RFX2: variants seen among roughly 807,000 people sequenced by gnomAD.
RFX2 encodes regulatory factor X2.
A neutral mutation model predicts 87.8 loss-of-function variants in RFX2; 20 were observed. That is an observed-to-expected ratio of 0.23 (90% CI 0.16 to 0.33). The LOEUF is 0.33. RFX2 is among the 10% of genes least tolerant of loss of function. RFX2 has a pLI of 1.00. For synonymous variants in RFX2, 397 were observed against 431.3 expected (o/e 0.92, Z 0.98); for missense variants, 767 against 1,012.3 (o/e 0.76, Z 3.29).
intron 1 of RFX2, among the ~76,000 whole-genome samples, chr19:6,082,940 AT>A (rs2087806407): frequency 6.6e-6 from 1 of 151,792 alleles, no homozygotes; most frequent in African/African-American, 2.4e-5. Flanking sequence ...TCATCATGGA[AT>A]TTTTTTCCCA....
chr19:6,066,629 C>A (rs1469038842), intron 1 of RFX2, among the ~76,000 whole-genome samples: 1 of 152,182 alleles, frequency 6.6e-6, no homozygotes, highest in African/African-American at 2.4e-5. Context: ...GCCTGGGAGT[C>A]AACATTACAA....
intron 1 of RFX2, among the ~76,000 whole-genome samples, chr19:6,082,385 A>G (rs572617182): frequency 6.6e-6 from 1 of 151,876 alleles, no homozygotes; most frequent in African/African-American, 2.4e-5. Flanking sequence ...TTAATATAGT[A>G]AGAGGAGGGT....
rs112168916 is a variant in RFX2 at position 6,074,621 on chromosome 19, C to T, written c.-8-27117G>A. On this transcript the variant is annotated intron_variant, in intron 1 of 17. Transcript: ENST00000303657. The surrounding 1 kb of genome is among the most constrained non-coding windows in gnomAD (Gnocchi z 5.2). Reference sequence around the variant, plus strand: ...GGCTGACCCCTCAGGGAGAGACAGACGACACCATGGACACAGAACAGCAGG... The same window carrying T: ...GGCTGACCCCTCAGGGAGAGACAGATGACACCATGGACACAGAACAGCAGG... Among the ~76,000 whole-genome samples, 13 of 152,316 alleles carry T rather than the reference C, an allele frequency of 8.5e-5. No homozygotes were observed. The highest frequency in any genetic ancestry group is 1.6e-4 in the Non-Finnish European group (11 of 68,028).
At position 6,001,778 on chromosome 19, in the gene RFX2, C is replaced by T. The variant is rs1009596438; in HGVS notation, c.1859+37G>A. 6.5e-7 allele frequency: 1 copy of T among 1,541,270 alleles called. No individual in the cohort carries two copies. The highest frequency in any genetic ancestry group is 8.8e-7 in the Non-Finnish European group (1 of 1,135,934). ...TAGAAGTTTCTCTCAGAGCCCCCCA[C>T]CCGCCAGAATTCTCTCGGAGGTCTG... On this transcript the variant is annotated intron_variant, in intron 15 of 17. Transcript: ENST00000303657. The surrounding 1 kb of genome is among the most constrained non-coding windows in gnomAD (Gnocchi z 5.6).
intron 1 of RFX2, among the ~76,000 whole-genome samples, chr19:6,068,737 T>C (rs1423311365): frequency 6.6e-6 from 1 of 152,072 alleles, no homozygotes; most frequent in South Asian, 2.1e-4. Flanking sequence ...ACACAGGCCA[T>C]TGTAGGGGCT....
rs2086647577 is a variant in RFX2, at chr19:6,010,545, C to T, written c.900-294G>A. On this transcript the variant is annotated intron_variant, in intron 8 of 17. Coordinates refer to ENST00000303657, the MANE Select transcript of RFX2 (RefSeq NM_000635.4). The surrounding 1 kb of genome is among the most constrained non-coding windows in gnomAD (Gnocchi z 5.0). Reference sequence around the variant, plus strand: ...AACGCTCACTCCCCATCCCTGTCCCCAGCCCCTGGCACCCCTGATCTGACT... The same window carrying T: ...AACGCTCACTCCCCATCCCTGTCCCTAGCCCCTGGCACCCCTGATCTGACT... Among the ~76,000 whole-genome samples the T allele has an allele frequency of 6.6e-6, 1 of 152,194 alleles. No homozygotes were observed. Among genetic ancestry groups the T allele is most frequent in the South Asian group, 2.1e-4 (1 of 4,826 alleles).
intron 2 of RFX2, among the ~76,000 whole-genome samples, chr19:6,046,537 C>A (rs1052250859): frequency 7.0e-6 from 1 of 143,204 alleles, no homozygotes; most frequent in Admixed American, 7.3e-5. Flanking sequence ...CCAGCCTGGG[C>A]GACAGAGCGA....
At chr19:6,041,094 G>A (rs911914481) in intron 4 of RFX2, among the ~76,000 whole-genome samples, 1 of 151,978 alleles carries the variant, frequency 6.6e-6, no homozygotes, top group Non-Finnish European at 1.5e-5. Flanking sequence ...TTTGAGACAG[G>A]GTCTCCTTCT....
In RFX2 at chr19:6,012,859, ATAC is replaced by A; in HGVS notation, c.899+124_899+126del. ...CTCACCTCAGTCTCAGCAGAGGGGG[ATAC>A]CTTGGCTTTCCCAGGATGCTGGAGA... is the stretch of plus-strand genomic sequence containing the variant. On this transcript the variant is annotated intron_variant, in intron 8 of 17. Coordinates refer to ENST00000303657, the MANE Select transcript of RFX2 (RefSeq NM_000635.4). The surrounding 1 kb of genome is among the most constrained non-coding windows in gnomAD (Gnocchi z 4.6). 1 of 943,292 alleles carries A rather than the reference ATAC, an allele frequency of 1.1e-6. No homozygotes were observed. The highest frequency in any genetic ancestry group is 1.7e-5 in the African/African-American group (1 of 59,454). 58.4% of individuals were successfully genotyped at this position (943,292 alleles called of 1,614,324 possible).
Position 6,024,163 on chromosome 19 carries a change from C to T in RFX2, c.597+2000G>A, listed in dbSNP as rs1234451760. On this transcript the variant is annotated intron_variant, in intron 6 of 17. Transcript: ENST00000303657. The surrounding 1 kb of genome is among the most constrained non-coding windows in gnomAD (Gnocchi z 5.0). ...CCCCCATCCTGCCTGGGTCACGCAG[C>T]CCTCTCGCCCAGGGCTGATACCCTG... is the stretch of plus-strand genomic sequence containing the variant. Among the ~76,000 whole-genome samples the T allele has an allele frequency of 6.6e-6, 1 of 152,212 alleles. No individual in the cohort carries two copies. The highest frequency in any genetic ancestry group is 1.5e-5 in the Non-Finnish European group (1 of 68,032).
intron 1 of RFX2, among the ~76,000 whole-genome samples, chr19:6,088,497 C>A (rs1233175158): frequency 6.7e-6 from 1 of 150,320 alleles, no homozygotes; most frequent in Non-Finnish European, 1.5e-5. Flanking sequence ...AGGCTTGAGT[C>A]ACCATGCCAG....
chr19:6,051,197 T>G, intron 1 of RFX2, among the ~76,000 whole-genome samples: 1 of 152,178 alleles, frequency 6.6e-6, no homozygotes, highest in East Asian at 1.9e-4. Context: ...CTATTAGGAG[T>G]AAATATCACT....
chr19:6,082,390 G>A (rs1307970191), intron 1 of RFX2, among the ~76,000 whole-genome samples: 5 of 152,042 alleles, frequency 3.3e-5, no homozygotes, highest in African/African-American at 4.8e-5. Context: ...ATAGTAAGAG[G>A]AGGGTCCTTC....
At chr19:6,068,665 G>C (rs1286533202) in intron 1 of RFX2, among the ~76,000 whole-genome samples, 1 of 152,094 alleles carries the variant, frequency 6.6e-6, no homozygotes, top group Non-Finnish European at 1.5e-5. Flanking sequence ...AAGGCCCCGA[G>C]GTGGGACAAT....
At chr19:6,106,230 C>CCCGCCCATCCAT (rs1555684224) in intron 1 of RFX2, among the ~76,000 whole-genome samples, 2 of 149,960 alleles carry the variant, frequency 1.3e-5, no homozygotes, top group African/African-American at 5.0e-5. Context: ...CATCGGCCTG[C>CCCGCCCATCCAT]CCATCCATCC....
intron 1 of RFX2, among the ~76,000 whole-genome samples, chr19:6,053,135 A>G (rs960324826): frequency 3.3e-5 from 5 of 152,204 alleles, no homozygotes; most frequent in Admixed American, 3.3e-4. Context: ...AACAAAAGCA[A>G]TATTTCTTCA....
intron 1 of RFX2, among the ~76,000 whole-genome samples, chr19:6,058,599 G>T (rs1347360804): frequency 6.8e-6 from 1 of 146,630 alleles, no homozygotes; most frequent in Non-Finnish European, 1.5e-5. Context: ...TCACTTTTGG[G>T]TTTTTTTTTT....
rs532135255 is a variant in RFX2 at position 6,063,601 on chromosome 19, G to A, written c.-8-16097C>T. On this transcript the variant is annotated intron_variant, in intron 1 of 17. Coordinates refer to ENST00000303657, the MANE Select transcript of RFX2 (RefSeq NM_000635.4). The surrounding 1 kb of genome is among the most constrained non-coding windows in gnomAD (Gnocchi z 4.0). Reference sequence around the variant, plus strand: ...GTGACTGCTGCGTTGAAGAAGGAGGGAGGCAGAGAGACAGCAGCCAGCAGC... The same window carrying A: ...GTGACTGCTGCGTTGAAGAAGGAGGAAGGCAGAGAGACAGCAGCCAGCAGC... 1.2e-3 allele frequency among the ~76,000 whole-genome samples: 183 copies of A among 152,342 alleles called. No individual in the cohort carries two copies. The highest frequency in any genetic ancestry group is 4.3e-3 in the African/African-American group (180 of 41,574).
At chr19:6,080,059 G>A (rs1213535069) in intron 1 of RFX2, among the ~76,000 whole-genome samples, 3 of 151,734 alleles carry the variant, frequency 2.0e-5, no homozygotes, top group African/African-American at 7.3e-5. Flanking sequence ...TGTTTTTTTA[G>A]GGATGGGTCT....
Sources: allele counts gnomAD v4.1 joint callset (sites outside exome capture counted in the v4.1 genomes callset), GRCh38; gene constraint gnomAD v4.1.1; non-coding constraint Gnocchi (gnomAD v3.1); transcripts MANE v1.5; gene names NCBI Gene and HGNC (gene_info 2026-07-23, HGNC 2026-07-21).